The following FBXO46 variants were observed in gnomAD, a reference collection of about 807,000 sequenced individuals.
FBXO46 encodes F-box protein 46, also known as F-box only protein 46.
Under a neutral mutation model 30.7 loss-of-function variants are expected in FBXO46, and 13 were observed. The ratio of observed to expected loss-of-function variants is 0.42; its 90% CI spans 0.28 to 0.67. The LOEUF (loss-of-function observed/expected upper bound fraction) is 0.67. Ranked by LOEUF, FBXO46 falls within the 30% of genes least tolerant of loss-of-function variation. The pLI, the probability that FBXO46 is intolerant of heterozygous loss-of-function variation, is 0.21. For synonymous variants in FBXO46, 467 were observed against 385.8 expected (o/e 1.21, Z -2.47); for missense variants, 754 against 871.5 (o/e 0.87, Z 1.70).
At chr19:45,728,971 C>T (rs1968274094) in intron 1 of FBXO46, among the ~76,000 whole-genome samples, 1 of 151,516 alleles carries the variant, frequency 6.6e-6, no homozygotes, top group Non-Finnish European at 1.5e-5. Flanking sequence ...ATTAACCAGA[C>T]GTGGTGGCGC....
chr19:45,722,947 G>A lies in FBXO46; in HGVS notation c.-79+7902C>T, dbSNP rs576633410. Among the ~76,000 whole-genome samples, 15 of 152,018 alleles carry A rather than the reference G, an allele frequency of 9.9e-5. No homozygotes were observed. The South Asian group carries it at 2.9e-3, about 29-fold the overall frequency. ...CAGGCGCCTATAATCCCTGCTACTC[G>A]GGAGGCAAAGGCAGGAGAATCGCTT... On this transcript the variant is annotated intron_variant, in intron 1 of 1. Transcript: ENST00000317683.
Position 45,711,733 on chromosome 19 carries a change from G to T in FBXO46, c.1763C>A (p.Pro588His). ...CCGGCCCCCGCCTGGCCCATTGCAG[G>T]GCAGCACCCAGTTGTTATCGTGGAG... is the stretch of plus-strand genomic sequence containing the variant. ...LGLHDNNWVL[P>H]CNGPGGGRAG... The change falls in exon 2 of 2, where the codon CCC becomes CAC. Residue 588 changes from proline to histidine, a missense_variant. By Grantham distance (77) the Pro-to-His change is moderately conservative (BLOSUM62 -2). Transcript: ENST00000317683. 6.4e-7 allele frequency: 1 copy of T among 1,554,942 alleles called. No individual in the cohort carries two copies. The highest frequency in any genetic ancestry group is 8.7e-7 in the Non-Finnish European group (1 of 1,155,556).
chr19:45,733,149 A>G (rs1968350918), upstream of FBXO46: 1 of 152,062 alleles, frequency 6.6e-6, no homozygotes, highest in Admixed American at 6.6e-5. The surrounding 1 kb of genome is among the most constrained non-coding windows in gnomAD (Gnocchi z 5.7). Flanking sequence ...AGTTGAGGAA[A>G]CCCAGCCTAC....
In FBXO46 at chr19:45,712,731, G is replaced by T. The variant is rs527590588; in HGVS notation, c.765C>A (p.Gly255=). The part of the protein sequence containing the change: ...GLRKEERPGP[G]PGEVRIAFRI... Reference sequence around the variant, plus strand: ...GGAAGGCGATGCGCACCTCCCCAGGGCCTGGCCCGGGCCGCTCTTCCTTGC... The same window carrying T: ...GGAAGGCGATGCGCACCTCCCCAGGTCCTGGCCCGGGCCGCTCTTCCTTGC... The change falls in exon 2 of 2, where the codon GGC becomes GGA. Residue 255 remains glycine, a synonymous_variant. Coordinates refer to ENST00000317683, the MANE Select transcript of FBXO46 (RefSeq NM_001080469.2). The surrounding 1 kb of genome is among the most constrained non-coding windows in gnomAD (Gnocchi z 8.8). 6.2e-6 allele frequency: 10 copies of T among 1,611,930 alleles called. No individual in the cohort carries two copies. Among genetic ancestry groups the T allele is most frequent in the African/African-American group, 5.3e-5 (4 of 75,000 alleles).
intron 1 of FBXO46, among the ~76,000 whole-genome samples, chr19:45,723,784 C>A (rs1190053493): frequency 6.6e-6 from 1 of 152,050 alleles, no homozygotes; most frequent in Non-Finnish European, 1.5e-5. Flanking sequence ...TTCAGCCTCC[C>A]GAGTAGCTGG....
intron 1 of FBXO46, among the ~76,000 whole-genome samples, chr19:45,726,833 T>C (rs116499612): frequency 1.3e-4 from 20 of 152,124 alleles, no homozygotes; most frequent in African/African-American, 4.6e-4. Flanking sequence ...AGAATAAAAA[T>C]CATAGAAAGA....
At position 45,711,496 on chromosome 19, in the gene FBXO46, T is replaced by C. The variant is rs1967963126; in HGVS notation, c.*188A>G. The C allele has an allele frequency of 1.3e-5, 9 of 693,760 alleles. No individual in the cohort carries two copies. The highest frequency in any genetic ancestry group is 1.8e-5 in the Non-Finnish European group (7 of 383,632). The allele number at this position is 693,760 out of a possible 1,614,324, so 43.0% of individuals were successfully genotyped here. On this transcript the variant is annotated 3_prime_UTR_variant, in exon 2 of 2. Coordinates refer to ENST00000317683, the MANE Select transcript of FBXO46 (RefSeq NM_001080469.2). ...GGTCCACGGCCCTGGTTCTGAAGAG[T>C]AGAAAATCAACAGGATCAAGCAGAG...
Position 45,728,648 on chromosome 19 carries a change from C to T in FBXO46, c.-79+2201G>A, listed in dbSNP as rs371330911. On this transcript the variant is annotated intron_variant, in intron 1 of 1. Transcript: ENST00000317683. Reference sequence around the variant, plus strand: ...CCTAGGAATTTGAGACCAGCCTGGGCAACAAAGTAAGACCCGCGTCTCTAC... The same window carrying T: ...CCTAGGAATTTGAGACCAGCCTGGGTAACAAAGTAAGACCCGCGTCTCTAC... Among the ~76,000 whole-genome samples, 28 of 152,178 alleles carry T rather than the reference C, an allele frequency of 1.8e-4. 1 individual carries two copies. In the East Asian group the frequency reaches 3.7e-3, roughly 20 times the overall value.
rs1968041267 is a variant in FBXO46 at position 45,713,740 on chromosome 19, G to A, written c.-78-167C>T. On this transcript the variant is annotated intron_variant, in intron 1 of 1. Coordinates refer to ENST00000317683, the MANE Select transcript of FBXO46 (RefSeq NM_001080469.2). The surrounding 1 kb of genome is among the most constrained non-coding windows in gnomAD (Gnocchi z 4.7). ...CCCAGCACTTTGGGAGGCTGAGGTGGGCAGATCACCTGAGGTCAGGAGTTT... is the reference window on the plus strand; with the variant it reads ...CCCAGCACTTTGGGAGGCTGAGGTGAGCAGATCACCTGAGGTCAGGAGTTT... Among the ~76,000 whole-genome samples, 2 of 152,114 alleles carry A rather than the reference G, an allele frequency of 1.3e-5. No homozygotes were observed. Among genetic ancestry groups the A allele is most frequent in the Non-Finnish European group, 2.9e-5 (2 of 68,026 alleles).
rs1308907262 is a variant in FBXO46 at position 45,712,555 on chromosome 19, G to A, written c.941C>T (p.Pro314Leu). 4.4e-6 allele frequency: 7 copies of A among 1,596,510 alleles called. No individual in the cohort carries two copies. The highest frequency in any genetic ancestry group is 6.0e-6 in the Non-Finnish European group (7 of 1,170,322). ...ITCDLYQLIS[P>L]SRDALPSNVE... ...GTTGCTGGGGAGGGCATCCCGCGAG[G>A]GGCTGATGAGCTGGTATAAGTCACA... The change falls in exon 2 of 2, where the codon CCC becomes CTC. Residue 314 changes from proline (P) to leucine (L), a missense_variant. By Grantham distance (98) the Pro-to-Leu change is moderately conservative (BLOSUM62 -3). Transcript: ENST00000317683. This position sits in a 1 kb window ranked among gnomAD's most constrained non-coding sequence, Gnocchi z 8.8.
In FBXO46 at chr19:45,713,415, C is replaced by T. The variant is rs374630294; in HGVS notation, c.81G>A (p.Pro27=). The T allele has an allele frequency of 1.0e-4, 168 of 1,607,674 alleles. No individual in the cohort carries two copies. Among genetic ancestry groups the T allele is most frequent in the African/African-American group, 3.6e-4 (27 of 74,930 alleles). Residue 27 remains proline (P), a synonymous_variant, in exon 2 of 2, where the codon CCG becomes CCA. Transcript: ENST00000317683. The surrounding 1 kb of genome is among the most constrained non-coding windows in gnomAD (Gnocchi z 4.7). Reference sequence around the variant, plus strand: ...CTGATGGCTTGAGGGCCGCAGAAGGCGGGCGTGGCTGGTTCTGTGAGTAGG... The same window carrying T: ...CTGATGGCTTGAGGGCCGCAGAAGGTGGGCGTGGCTGGTTCTGTGAGTAGG... ...FGTYSQNQPR[P]PSAALKPSAC...
At chr19:45,717,041 A>C (rs1398864955) in intron 1 of FBXO46, 1 of 152,058 alleles carries the variant, frequency 6.6e-6, no homozygotes, top group Non-Finnish European at 1.5e-5. Context: ...CGAAAACACA[A>C]CCGAACCTTC....
chr19:45,725,291 T>C (rs777882568), intron 1 of FBXO46, among the ~76,000 whole-genome samples: 1 of 152,078 alleles, frequency 6.6e-6, no homozygotes, highest in Non-Finnish European at 1.5e-5. Context: ...GGCATGCCCC[T>C]GTAGTCCCAG....
At position 45,713,911 on chromosome 19, in the gene FBXO46, C is replaced by T. The variant is rs556148789; in HGVS notation, c.-78-338G>A. On this transcript the variant is annotated intron_variant, in intron 1 of 1. Transcript: ENST00000317683. This position sits in a 1 kb window ranked among gnomAD's most constrained non-coding sequence, Gnocchi z 4.7. ...TGAACCTGGGAGGTGGAGGTTGCAG[C>T]GAGACCAGATGGCACCATTACACTC... is the stretch of plus-strand genomic sequence containing the variant. Among the ~76,000 whole-genome samples, 1 of 141,958 alleles carries T rather than the reference C, an allele frequency of 7.0e-6. No homozygotes were observed. Among genetic ancestry groups the T allele is most frequent in the African/African-American group, 2.7e-5 (1 of 37,664 alleles). 93.1% of individuals were successfully genotyped at this position (141,958 alleles called of 152,430 possible). A position where few individuals can be genotyped will look rare whatever the true frequency, so the allele number is the denominator to read the frequency against.
chr19:45,717,324 A>C (rs1255806723), intron 1 of FBXO46: 2 of 152,132 alleles, frequency 1.3e-5, no homozygotes, highest in Non-Finnish European at 2.9e-5. Flanking sequence ...CGCGAAAGGT[A>C]AAAGGGCCCG....
rs756006396 is a variant in FBXO46, at chr19:45,712,839, G to C, written c.657C>G (p.Ser219=). The C allele has an allele frequency of 1.2e-6, 2 of 1,612,914 alleles. No individual in the cohort carries two copies. The highest frequency in any genetic ancestry group is 1.3e-5 in the African/African-American group (1 of 74,908). ...PAKGVGSERR[S]GGGDCSRVAE... Reference sequence around the variant, plus strand: ...CTACACGGCTGCAGTCCCCACCACCGGACCGCCGTTCAGATCCCACCCCCT... The same window carrying C: ...CTACACGGCTGCAGTCCCCACCACCCGACCGCCGTTCAGATCCCACCCCCT... Residue 219 remains serine, a synonymous_variant, in exon 2 of 2, where the codon TCC becomes TCG. Coordinates refer to ENST00000317683, the MANE Select transcript of FBXO46 (RefSeq NM_001080469.2). The surrounding 1 kb of genome is among the most constrained non-coding windows in gnomAD (Gnocchi z 8.8).
chr19:45,711,009 T>C lies in FBXO46; in HGVS notation c.*675A>G. ...TTAAATAATAACGGGAGGAGGAGGGTTTTTATACTTCAGCTTTTTTTTTGT... is the reference window on the plus strand; with the variant it reads ...TTAAATAATAACGGGAGGAGGAGGGCTTTTATACTTCAGCTTTTTTTTTGT... On this transcript the variant is annotated 3_prime_UTR_variant, in exon 2 of 2. Transcript: ENST00000317683. 4.6e-6 allele frequency: 1 copy of C among 218,212 alleles called. No homozygotes were observed. Among genetic ancestry groups the C allele is most frequent in the Non-Finnish European group, 9.1e-6 (1 of 109,916 alleles). The allele number at this position is 218,212 out of a possible 1,614,324, so 13.5% of individuals were successfully genotyped here. A position where few individuals can be genotyped will look rare whatever the true frequency, so the allele number is the denominator to read the frequency against.
chr19:45,722,879 C>T (rs1968192574), intron 1 of FBXO46, among the ~76,000 whole-genome samples: 1 of 151,920 alleles, frequency 6.6e-6, no homozygotes, highest in Non-Finnish European at 1.5e-5. Flanking sequence ...ATAGTGACAC[C>T]TTGTCTCTAC....
At chr19:45,719,800 ACAGT>A (rs1968146317) in intron 1 of FBXO46, among the ~76,000 whole-genome samples, 1 of 152,180 alleles carries the variant, frequency 6.6e-6, no homozygotes, top group Non-Finnish European at 1.5e-5. Context: ...ATCCAAACAA[ACAGT>A]CAGAACCAAC....
Sources: gnomAD v4.1 joint callset for allele counts (sites outside exome capture counted in the v4.1 genomes callset) on GRCh38, gnomAD v4.1.1 for gene constraint, Gnocchi (gnomAD v3.1) non-coding constraint, MANE v1.5 for transcripts, NCBI Gene and HGNC (gene_info 2026-07-23, HGNC 2026-07-21) for gene names.